The following NEK7 variants were observed in gnomAD, a reference collection of about 807,000 sequenced individuals.
The protein encoded by NEK7 is serine/threonine-protein kinase Nek7.
Under a neutral mutation model 44.6 loss-of-function variants are expected in NEK7, and 18 were observed. That is an observed-to-expected ratio of 0.40 (90% CI 0.28 to 0.60). The LOEUF is 0.60. Ranked by LOEUF, NEK7 falls within the 20% of genes least tolerant of loss-of-function variation. The pLI is 0.38. For missense variants in NEK7, 256 were observed against 366.5 expected, an observed-to-expected ratio of 0.70 and a Z score of 2.46; for synonymous variants, 130 against 121.1, an observed-to-expected ratio of 1.07 and a Z score of -0.48.
chr1:198,160,917 CACTT>C (rs1029207467), intron 1 of NEK7, among the ~76,000 whole-genome samples: 39 of 152,208 alleles, frequency 2.6e-4, no homozygotes, highest in Middle Eastern at 3.4e-3. Flanking sequence ...CTGAAGAAAA[CACTT>C]ACAGAGTATA....
At chr1:198,190,485 GAATAAA>G (rs1231347342) in intron 1 of NEK7, among the ~76,000 whole-genome samples, 1 of 151,710 alleles carries the variant, frequency 6.6e-6, no homozygotes, top group East Asian at 1.9e-4. Flanking sequence ...TGGACTTCTA[GAATAAA>G]AATACAGTTT....
chr1:198,184,441 T>G (rs1664856368), intron 1 of NEK7, among the ~76,000 whole-genome samples: 1 of 152,214 alleles, frequency 6.6e-6, no homozygotes, highest in African/African-American at 2.4e-5. Flanking sequence ...GTAGAATATA[T>G]TTTTAATTTT....
rs1664723963 is a variant in NEK7 at position 198,180,197 on chromosome 1, G to GT, written c.-29+22922dup. Among the ~76,000 whole-genome samples the GT allele has an allele frequency of 2.0e-5, 3 of 149,894 alleles. No homozygotes were observed. The South Asian group carries it at 6.3e-4, about 31-fold the overall frequency. On this transcript the variant is annotated intron_variant, in intron 1 of 9. Transcript: ENST00000367385. ...TTCTACACCTCCCTTTTTTTTTTTG[G>GT]TGGGGGGGTGCTTCCAGTTAAAAGT... is the stretch of plus-strand genomic sequence containing the variant.
intron 1 of NEK7, among the ~76,000 whole-genome samples, chr1:198,194,904 G>T (rs1558050589): frequency 1.3e-5 from 2 of 152,126 alleles, no homozygotes; most frequent in Admixed American, 1.3e-4. Flanking sequence ...GTTTTCCACA[G>T]TCGTTGAACT....
chr1:198,299,157 C>T (rs1222819545), intron 9 of NEK7, among the ~76,000 whole-genome samples: 1 of 152,132 alleles, frequency 6.6e-6, no homozygotes, highest in African/African-American at 2.4e-5. Context: ...TGTTGTCATT[C>T]CCTGATGAAA....
intron 1 of NEK7, among the ~76,000 whole-genome samples, chr1:198,171,002 C>G (rs1010841343): frequency 1.3e-5 from 2 of 152,216 alleles, no homozygotes; most frequent in Non-Finnish European, 1.5e-5. Flanking sequence ...TGGCCTCAAG[C>G]TGTCCTCCTC....
intron 3 of NEK7, among the ~76,000 whole-genome samples, chr1:198,255,637 C>T (rs1171071935): frequency 6.6e-6 from 1 of 152,134 alleles, no homozygotes; most frequent in East Asian, 1.9e-4. Context: ...GGACATTACC[C>T]TCTAGCTGCC....
chr1:198,198,073 T>C (rs1359938140), intron 1 of NEK7: 3 of 1,452,412 alleles, frequency 2.1e-6, no homozygotes, highest in Non-Finnish European at 2.8e-6. Context: ...GAAAGGGGCC[T>C]TGGGGAAAGG....
intron 2 of NEK7, among the ~76,000 whole-genome samples, chr1:198,241,965 A>G (rs1666696393): frequency 6.6e-6 from 1 of 151,992 alleles, no homozygotes; most frequent in Admixed American, 6.6e-5. Flanking sequence ...TTACATCTTT[A>G]TTACCTATTT....
intron 3 of NEK7, chr1:198,256,655 A>G (rs1653276228): frequency 6.7e-6 from 5 of 747,660 alleles, no homozygotes; most frequent in Non-Finnish European, 1.0e-5. Context: ...CTAAGGCTTT[A>G]GGAAGATTAA....
intron 7 of NEK7, among the ~76,000 whole-genome samples, chr1:198,286,738 A>C (rs968743829): frequency 6.6e-6 from 1 of 152,124 alleles, no homozygotes; most frequent in African/African-American, 2.4e-5. Context: ...TTTCTTGTCT[A>C]TTCAGATTAT....
intron 1 of NEK7, among the ~76,000 whole-genome samples, chr1:198,196,465 A>G (rs1182151535): frequency 1.3e-5 from 2 of 152,204 alleles, no homozygotes; most frequent in African/African-American, 4.8e-5. Flanking sequence ...CCCACTTGCT[A>G]GCTGTGTGAC....
intron 1 of NEK7, among the ~76,000 whole-genome samples, chr1:198,177,867 G>T (rs925487822): frequency 6.6e-6 from 1 of 151,888 alleles, no homozygotes; most frequent in Non-Finnish European, 1.5e-5. Context: ...GATAAGAAAA[G>T]ATATGTTTGT....
chr1:198,258,257 G>A (rs1653342310), intron 3 of NEK7, among the ~76,000 whole-genome samples: 1 of 152,156 alleles, frequency 6.6e-6, no homozygotes, highest in African/African-American at 2.4e-5. Context: ...TGGCCAACAT[G>A]GTGAAACCCT....
chr1:198,251,567 T>C (rs1242300148), intron 2 of NEK7, among the ~76,000 whole-genome samples: 2 of 152,206 alleles, frequency 1.3e-5, no homozygotes, highest in East Asian at 3.8e-4. Context: ...GTTATTGGTT[T>C]ATTCAGAGAT....
chr1:198,249,168 A>G (rs1666916688), intron 2 of NEK7, among the ~76,000 whole-genome samples: 1 of 151,074 alleles, frequency 6.6e-6, no homozygotes, highest in Non-Finnish European at 1.5e-5. Context: ...GCGATAGTTT[A>G]CTGAGAATGA....
chr1:198,159,863 A>C (rs1373968146), intron 1 of NEK7, among the ~76,000 whole-genome samples: 1 of 152,194 alleles, frequency 6.6e-6, no homozygotes, highest in Non-Finnish European at 1.5e-5. Flanking sequence ...TTTAAAAAAA[A>C]ATTGCATCGT....
At chr1:198,223,839 A>AT (rs1666138628) in intron 1 of NEK7, among the ~76,000 whole-genome samples, 1 of 152,130 alleles carries the variant, frequency 6.6e-6, no homozygotes, top group Non-Finnish European at 1.5e-5. Context: ...TTTTAATGGT[A>AT]TAATGAAATA....
intron 5 of NEK7, among the ~76,000 whole-genome samples, chr1:198,271,224 A>G (rs932427720): frequency 6.6e-6 from 1 of 152,012 alleles, no homozygotes; most frequent in South Asian, 2.1e-4. Context: ...CTGATTAGGG[A>G]CCTTCATTAC....
Sources: gnomAD v4.1 joint callset for allele counts (sites outside exome capture counted in the v4.1 genomes callset) on GRCh38, gnomAD v4.1.1 for gene constraint, MANE v1.5 for transcripts, NCBI Gene and HGNC (gene_info 2026-07-23, HGNC 2026-07-21) for gene names.